The following CDH11 variants were observed in gnomAD, a reference collection of about 807,000 sequenced individuals.
The protein encoded by CDH11 is cadherin-11.
A neutral mutation model predicts 67.8 loss-of-function variants in CDH11; 11 were observed. The ratio of observed to expected loss-of-function variants is 0.16; its 90% CI spans 0.10 to 0.27. The LOEUF is 0.27. CDH11 is among the 10% of genes least tolerant of loss of function. The pLI is 1.00. For missense variants in CDH11, 847 were observed against 1,031.2 expected (o/e 0.82, Z 2.45); for synonymous variants, 419 against 400.0 (o/e 1.05, Z -0.57).
rs757706888 is a variant in CDH11 at position 64,971,637 on chromosome 16, G to C, written c.1584C>G (p.Ile528Met). The C allele has an allele frequency of 2.5e-6, 4 of 1,613,774 alleles. No homozygotes were observed. Among genetic ancestry groups the C allele is most frequent in the Non-Finnish European group, 2.5e-6 (3 of 1,179,840 alleles). The change falls in exon 11 of 13, where the codon ATC becomes ATG. Residue 528 changes from isoleucine to methionine, a missense_variant. Physicochemically the swap from Ile to Met is conservative, Grantham distance 10. This residue lies in a region of CDH11 where 612 missense variants were observed against 678.7 expected (regional missense o/e 0.90). Coordinates refer to ENST00000268603, the MANE Select transcript of CDH11 (RefSeq NM_001797.4). Reference sequence around the variant, plus strand: ...GAATGATTTCAGGGGGTAGGCTGAAGATAAATCTTGGTCCATTGGCCGTGT... The same window carrying C: ...GAATGATTTCAGGGGGTAGGCTGAACATAAATCTTGGTCCATTGGCCGTGT... The part of the protein sequence containing the change: ...KDDTANGPRF[I>M]FSLPPEIIHN...
intron 8 of CDH11, among the ~76,000 whole-genome samples, chr16:64,977,676 A>C (rs2072212142): frequency 6.6e-6 from 1 of 152,170 alleles, no homozygotes; most frequent in African/African-American, 2.4e-5. Flanking sequence ...AAAAGCTCAA[A>C]ATGAACTCAA....
chr16:65,066,042 C>T (rs991905579), intron 1 of CDH11, among the ~76,000 whole-genome samples: 4 of 152,194 alleles, frequency 2.6e-5, no homozygotes, highest in African/African-American at 9.7e-5. Flanking sequence ...TCTTAAGCAC[C>T]ACTCCATTCT....
chr16:65,027,238 T>G (rs1383933605), intron 2 of CDH11, among the ~76,000 whole-genome samples: 2 of 152,208 alleles, frequency 1.3e-5, no homozygotes, highest in Non-Finnish European at 2.9e-5. Context: ...ACCTTGTTTT[T>G]TATGAAAGCA....
intron 2 of CDH11, among the ~76,000 whole-genome samples, chr16:65,033,871 T>C (rs1287260019): frequency 6.6e-6 from 1 of 152,176 alleles, no homozygotes; most frequent in Non-Finnish European, 1.5e-5. Context: ...CATTTTCTTA[T>C]CTCCAGGTGG....
At chr16:65,040,810 A>C (rs560450284) in intron 2 of CDH11, among the ~76,000 whole-genome samples, 1 of 152,206 alleles carries the variant, frequency 6.6e-6, no homozygotes, top group Non-Finnish European at 1.5e-5. Flanking sequence ...CTTTTTATTG[A>C]CATGTAATAT....
intron 1 of CDH11, among the ~76,000 whole-genome samples, chr16:65,094,250 G>A (rs1037218903): frequency 6.6e-5 from 10 of 152,126 alleles, no homozygotes; most frequent in African/African-American, 2.4e-4. Context: ...TTCTTTCCTA[G>A]CAAGCCAAAG....
At chr16:65,122,443 AG>A (rs374027892), upstream of CDH11, 38 of 172,370 alleles carry the variant, frequency 2.2e-4, no homozygotes, top group East Asian at 6.7e-3. Context: ...AGGGGTTGGG[AG>A]CCCCCATTTT....
chr16:65,112,867 A>G (rs567845809), intron 1 of CDH11, among the ~76,000 whole-genome samples: 7 of 152,358 alleles, frequency 4.6e-5, no homozygotes, highest in Admixed American at 3.3e-4. Flanking sequence ...TTAAAGCCTT[A>G]TGTTTAGGGC....
At chr16:65,031,472 A>T (rs2073642773) in intron 2 of CDH11, among the ~76,000 whole-genome samples, 1 of 152,218 alleles carries the variant, frequency 6.6e-6, no homozygotes, top group Non-Finnish European at 1.5e-5. Context: ...TGGTCAAGAA[A>T]GACTTAGTGG....
rs140442761 is a variant in CDH11 at position 65,069,041 on chromosome 16, G to A, written c.-297-15113C>T. ...CTCACTTGAAGTAAAGGACCTTGTC[G>A]GTATTGCAATTCTTTGCGTAATCTC... On this transcript the variant is annotated intron_variant, in intron 1 of 12. Coordinates refer to ENST00000268603, the MANE Select transcript of CDH11 (RefSeq NM_001797.4). Among the ~76,000 whole-genome samples the A allele has an allele frequency of 6.7e-3, 1,015 of 152,254 alleles. 9 individuals are homozygous for A. Among genetic ancestry groups the A allele is most frequent in the Non-Finnish European group, 7.4e-3 (502 of 68,018 alleles).
intron 1 of CDH11, among the ~76,000 whole-genome samples, chr16:65,096,441 GTGTATA>G (rs750803294): frequency 0.068 from 8,800 of 130,008 alleles, 421 homozygotes; most frequent in African/African-American, 0.15. Flanking sequence ...GTGTGTGTGT[GTGTATA>G]TATATGTTTA....
intron 2 of CDH11, among the ~76,000 whole-genome samples, chr16:65,013,133 A>G: frequency 6.6e-6 from 1 of 152,180 alleles, no homozygotes; most frequent in East Asian, 1.9e-4. Context: ...GGATGTTTTC[A>G]TCTCATTTTG....
intron 1 of CDH11, among the ~76,000 whole-genome samples, chr16:65,089,620 C>T (rs1449156969): frequency 6.6e-6 from 1 of 152,080 alleles, no homozygotes; most frequent in African/African-American, 2.4e-5. Flanking sequence ...TAACAAATAG[C>T]ATTCCAGTTC....
intron 2 of CDH11, among the ~76,000 whole-genome samples, chr16:65,016,462 G>T (rs756731371): frequency 2.0e-5 from 3 of 152,130 alleles, no homozygotes; most frequent in Non-Finnish European, 2.9e-5. Flanking sequence ...GCAATATTAA[G>T]TGTCTTTTGT....
At chr16:65,081,980 C>T (rs576787959) in intron 1 of CDH11, among the ~76,000 whole-genome samples, 2 of 152,260 alleles carry the variant, frequency 1.3e-5, no homozygotes, top group East Asian at 1.9e-4. Context: ...AGACCCTGCA[C>T]AGGGCCACTG....
chr16:65,008,644 C>T (rs2073113244), intron 2 of CDH11, among the ~76,000 whole-genome samples: 1 of 152,184 alleles, frequency 6.6e-6, no homozygotes. Flanking sequence ...ACTTACGCTT[C>T]TAGTAAATAC....
intron 11 of CDH11, among the ~76,000 whole-genome samples, chr16:64,964,221 C>T (rs544364550): frequency 3.9e-5 from 6 of 152,236 alleles, no homozygotes; most frequent in South Asian, 2.1e-4. Flanking sequence ...CTCCTGTAAA[C>T]GTAGTGTATT....
At chr16:65,078,508 C>T (rs2074555199) in intron 1 of CDH11, among the ~76,000 whole-genome samples, 5 of 152,096 alleles carry the variant, frequency 3.3e-5, no homozygotes, top group Admixed American at 2.6e-4. Context: ...ACCATTGTTT[C>T]CCCCATTAAA....
rs1179598423 is a variant in CDH11, at chr16:64,988,344, C to T, written c.812G>A (p.Ser271Asn). 1.2e-6 allele frequency: 2 copies of T among 1,601,122 alleles called. No individual in the cohort carries two copies. Among genetic ancestry groups the T allele is most frequent in the Non-Finnish European group, 1.7e-6 (2 of 1,175,564 alleles). Residue 271 changes from serine (S) to asparagine (N), a missense_variant and splice_region_variant, in exon 7 of 13, where the codon AGC becomes AAC. By Grantham distance (46) the Ser-to-Asn change is conservative. This residue lies in a region of CDH11 where 612 missense variants were observed against 678.7 expected (regional missense o/e 0.90). Coordinates refer to ENST00000268603, the MANE Select transcript of CDH11 (RefSeq NM_001797.4). ...TTCTGACACAGACATCTGGTATACG[C>T]CTAGAAGAAGAAGACATCTATTTTT... ...VNDNPPKFPQ[S>N]VYQMSVSEAA...
Sources: allele counts gnomAD v4.1 joint callset (sites outside exome capture counted in the v4.1 genomes callset), GRCh38; gene constraint gnomAD v4.1.1; regional missense constraint gnomAD v4.1.1; transcripts MANE v1.5; gene names NCBI Gene and HGNC (gene_info 2026-07-23, HGNC 2026-07-21).